ADAM12: variants seen among roughly 807,000 people sequenced by gnomAD.
ADAM12 encodes the protein disintegrin and metalloproteinase domain-containing protein 12.
A neutral mutation model predicts 106.4 loss-of-function variants in ADAM12; 70 were observed. The observed-to-expected ratio is 0.66, with a 90% CI of 0.54 to 0.80. ADAM12 has a LOEUF of 0.80. Ranked by LOEUF, ADAM12 falls within the 30% of genes least tolerant of loss-of-function variation. The pLI is 0.00. For synonymous variants in ADAM12, 420 were observed against 433.5 expected (o/e 0.97, Z 0.39); for missense variants, 1,010 against 1,171.9 (o/e 0.86, Z 2.02).
At chr10:126,197,620 C>T (rs551920021) in intron 3 of ADAM12, among the ~76,000 whole-genome samples, 3 of 152,282 alleles carry the variant, frequency 2.0e-5, no homozygotes, top group Admixed American at 1.3e-4. Flanking sequence ...TAAGGAAGGC[C>T]GGATGGTTGA....
chr10:126,112,017 G>A (rs772581823), intron 6 of ADAM12, among the ~76,000 whole-genome samples: 25 of 152,278 alleles, frequency 1.6e-4, no homozygotes, highest in Non-Finnish European at 2.5e-4. Context: ...CTGATAGACC[G>A]GATAAAGAAA....
intron 6 of ADAM12, among the ~76,000 whole-genome samples, chr10:126,111,820 C>T (rs552561320): frequency 3.3e-5 from 5 of 152,130 alleles, no homozygotes; most frequent in Admixed American, 6.5e-5. Flanking sequence ...CGGCTCAGGG[C>T]GGAGGTTTAT....
intron 21 of ADAM12, among the ~76,000 whole-genome samples, chr10:126,035,770 G>A (rs1954048542): frequency 6.6e-6 from 1 of 152,142 alleles, no homozygotes. Flanking sequence ...AATGATGAGA[G>A]AGTATAACTG....
At chr10:126,354,045 T>C (rs183643897) in intron 1 of ADAM12, among the ~76,000 whole-genome samples, 13 of 152,224 alleles carry the variant, frequency 8.5e-5, no homozygotes, top group Middle Eastern at 3.4e-3. Flanking sequence ...TTTTTTTTTT[T>C]TTTAAAGAAA....
chr10:126,384,086 G>A (rs1856575930), intron 1 of ADAM12, among the ~76,000 whole-genome samples: 1 of 152,166 alleles, frequency 6.6e-6, no homozygotes, highest in Non-Finnish European at 1.5e-5. Context: ...AAGAGGTACA[G>A]CAGCTATCAT....
At chr10:126,257,999 T>G (rs1958926315) in intron 3 of ADAM12, among the ~76,000 whole-genome samples, 1 of 152,162 alleles carries the variant, frequency 6.6e-6, no homozygotes, top group African/African-American at 2.4e-5. Flanking sequence ...ATTTTCACAA[T>G]GAGAAGATAC....
chr10:126,087,926 A>G (rs1002419468), intron 11 of ADAM12, among the ~76,000 whole-genome samples: 2 of 152,196 alleles, frequency 1.3e-5, no homozygotes, highest in African/African-American at 4.8e-5. Flanking sequence ...AGGAATTTTC[A>G]GGGAGCGGTC....
intron 11 of ADAM12, among the ~76,000 whole-genome samples, chr10:126,086,209 G>A (rs1014068533): frequency 6.6e-6 from 1 of 152,110 alleles, no homozygotes; most frequent in African/African-American, 2.4e-5. Context: ...ACAGGGACAT[G>A]GCTCTGTACT....
chr10:126,042,087 T>G (rs1006889650), intron 18 of ADAM12: 1 of 1,600,544 alleles, frequency 6.2e-7, no homozygotes, highest in Admixed American at 1.7e-5. Context: ...ACGCGTGACC[T>G]CCTCTGCAGC....
chr10:126,149,233 T>G (rs1956685487), intron 4 of ADAM12, among the ~76,000 whole-genome samples: 1 of 152,326 alleles, frequency 6.6e-6, no homozygotes, highest in Middle Eastern at 3.4e-3. Flanking sequence ...CCGCACCACA[T>G]GGAGACAAAC....
intron 3 of ADAM12, among the ~76,000 whole-genome samples, chr10:126,239,384 A>G (rs1196281331): frequency 6.6e-6 from 1 of 152,238 alleles, no homozygotes; most frequent in Admixed American, 6.5e-5. Context: ...AGGATATGAC[A>G]TAACAGTGAA....
chr10:126,384,498 G>C (rs1856593131), intron 1 of ADAM12, among the ~76,000 whole-genome samples: 3 of 152,100 alleles, frequency 2.0e-5, no homozygotes, highest in Non-Finnish European at 4.4e-5. Context: ...AATAAGGGTA[G>C]TCCTGAGATA....
chr10:126,356,608 C>T (rs1425715980), intron 1 of ADAM12, among the ~76,000 whole-genome samples: 3 of 152,060 alleles, frequency 2.0e-5, no homozygotes, highest in Non-Finnish European at 4.4e-5. Context: ...ATGACAACAC[C>T]AAAAGAAACT....
chr10:126,228,424 C>T (rs948356028), intron 3 of ADAM12, among the ~76,000 whole-genome samples: 1 of 152,136 alleles, frequency 6.6e-6, no homozygotes, highest in Non-Finnish European at 1.5e-5. Context: ...CAAAAAGTAA[C>T]TTCAAATGTA....
At chr10:126,165,791 C>G (rs959110353) in intron 3 of ADAM12, among the ~76,000 whole-genome samples, 2 of 152,206 alleles carry the variant, frequency 1.3e-5, no homozygotes, top group African/African-American at 4.8e-5. Flanking sequence ...GAAAACGGTG[C>G]TACGCTATTT....
intron 5 of ADAM12, among the ~76,000 whole-genome samples, chr10:126,128,645 A>C (rs1474784858): frequency 1.0e-5 from 1 of 98,248 alleles, no homozygotes; most frequent in African/African-American, 4.0e-5. Context: ...TGTGGTGTGC[A>C]TGTGGGAATG....
At chr10:126,150,810 C>T (rs1056338895) in intron 4 of ADAM12, among the ~76,000 whole-genome samples, 5 of 152,208 alleles carry the variant, frequency 3.3e-5, no homozygotes, top group African/African-American at 7.2e-5. Flanking sequence ...TGAGAACTTC[C>T]TATGACTCCC....
At position 126,338,314 on chromosome 10, in the gene ADAM12, G is replaced by A. The variant is rs1443687241; in HGVS notation, c.89-7805C>T. ...GTCGCCCAGGCTGGAGTGCAGTGGC[G>A]GGATCTCGGCTCACTGCAAGCTCCG... On this transcript the variant is annotated intron_variant, in intron 1 of 22. Transcript: ENST00000448723. Among the ~76,000 whole-genome samples, 6 of 144,640 alleles carry A rather than the reference G, an allele frequency of 4.1e-5. No individual in the cohort carries two copies. The East Asian group carries it at 1.2e-3, about 30-fold the overall frequency. 94.9% of individuals were successfully genotyped at this position (144,640 alleles called of 152,430 possible). A position where few individuals can be genotyped will look rare whatever the true frequency, so the allele number is the denominator to read the frequency against.
chr10:126,262,523 C>T (rs969165203), intron 3 of ADAM12, among the ~76,000 whole-genome samples: 5 of 152,120 alleles, frequency 3.3e-5, no homozygotes, highest in African/African-American at 1.2e-4. Context: ...TATGATTACC[C>T]CTTTTTGGAC....
Sources: gnomAD v4.1 joint callset for allele counts (sites outside exome capture counted in the v4.1 genomes callset) on GRCh38, gnomAD v4.1.1 for gene constraint, MANE v1.5 for transcripts, NCBI Gene and HGNC (gene_info 2026-07-23, HGNC 2026-07-21) for gene names.